Variants in CSMD3 observed in about 807,000 individuals in gnomAD.
CSMD3 encodes the protein CUB and sushi domain-containing protein 3.
A neutral mutation model predicts 435.2 loss-of-function variants in CSMD3; 177 were observed. That is an observed-to-expected ratio of 0.41 (90% CI 0.36 to 0.46). CSMD3 has a LOEUF of 0.46. Ranked by LOEUF, CSMD3 falls within the 20% of genes least tolerant of loss-of-function variation. The pLI is 0.34. For synonymous variants in CSMD3, 1,656 were observed against 1,520.5 expected, an observed-to-expected ratio of 1.09 and a Z score of -2.07; for missense variants, 4,265 against 4,504.6, an observed-to-expected ratio of 0.95 and a Z score of 1.52.
chr8:113,309,441 T>C (rs988558543), intron 2 of CSMD3: 5 of 152,270 alleles, frequency 3.3e-5, no homozygotes, highest in African/African-American at 1.2e-4. Context: ...TGTCCATGAG[T>C]ACCCAATGTT....
chr8:113,106,255 GGAAA>G (rs1340442192), intron 4 of CSMD3, among the ~76,000 whole-genome samples: 4 of 151,582 alleles, frequency 2.6e-5, no homozygotes, highest in African/African-American at 9.7e-5. Context: ...ACCACAGTGA[GGAAA>G]GAAAGGGAAG....
intron 38 of CSMD3, 145 bp downstream of exon 38, chr8:112,380,207 T>G: frequency 1.8e-6 from 1 of 555,112 alleles, no homozygotes; most frequent in Non-Finnish European, 3.2e-6. Flanking sequence ...GCAATTGAAC[T>G]GAAGTAATAG....
chr8:113,225,419 G>A (rs1229136539), intron 3 of CSMD3, among the ~76,000 whole-genome samples: 1 of 151,430 alleles, frequency 6.6e-6, no homozygotes, highest in Non-Finnish European at 1.5e-5. Flanking sequence ...TCTCATCAGT[G>A]AGAATTTATC....
intron 36 of CSMD3, among the ~76,000 whole-genome samples, chr8:112,390,350 A>C (rs1451344633): frequency 6.6e-6 from 1 of 152,178 alleles, no homozygotes; most frequent in Non-Finnish European, 1.5e-5. Context: ...TGAGCATGGC[A>C]GAACAGAGAG....
At chr8:112,227,764 A>G (rs1334857564) in intron 70 of CSMD3, among the ~76,000 whole-genome samples, 3 of 152,092 alleles carry the variant, frequency 2.0e-5, no homozygotes, top group African/African-American at 4.8e-5. Flanking sequence ...GAAAATATCA[A>G]TTTTGCGGTG....
Position 112,526,587 on chromosome 8 carries a change from G to GT in CSMD3, c.4565-9363dup, listed in dbSNP as rs556543350. ...AACAACCAATTCCTAGTACATTTCTGTTTTTTAATTTTATAAGAGCTTTGC... is the reference window on the plus strand; with the variant it reads ...AACAACCAATTCCTAGTACATTTCTGTTTTTTTAATTTTATAAGAGCTTTGC... On this transcript the variant is annotated intron_variant, in intron 27 of 70. Transcript: ENST00000297405. Among the ~76,000 whole-genome samples, 8 of 151,880 alleles carry GT rather than the reference G, an allele frequency of 5.3e-5. No individual in the cohort carries two copies. In the South Asian group the frequency reaches 1.5e-3, roughly 28 times the overall value.
At chr8:113,420,365 TTAA>T (rs1208356863) in intron 1 of CSMD3, among the ~76,000 whole-genome samples, 2 of 152,044 alleles carry the variant, frequency 1.3e-5, no homozygotes, top group Non-Finnish European at 2.9e-5. Flanking sequence ...ACATGCTGAA[TTAA>T]TAATATTTTC....
chr8:112,378,904 T>A (rs546538598), intron 38 of CSMD3, among the ~76,000 whole-genome samples: 2 of 152,004 alleles, frequency 1.3e-5, no homozygotes, highest in South Asian at 2.1e-4. Context: ...TACAAAAACA[T>A]CACATGTATC....
intron 6 of CSMD3, among the ~76,000 whole-genome samples, chr8:113,005,792 T>G (rs548366471): frequency 1.3e-5 from 2 of 152,170 alleles, no homozygotes; most frequent in Admixed American, 1.3e-4. Flanking sequence ...TAAACAAATT[T>G]GAAGTGTGTA....
intron 9 of CSMD3, 66 bp from the exon 10 acceptor site, chr8:112,921,817 C>G (rs2130633978): frequency 7.7e-7 from 1 of 1,300,702 alleles, no homozygotes; most frequent in Non-Finnish European, 1.1e-6. Context: ...GGCTTCACTT[C>G]TGCTGGCAAT....
intron 3 of CSMD3, among the ~76,000 whole-genome samples, chr8:113,204,283 ATG>A (rs2092746665): frequency 6.6e-6 from 1 of 152,116 alleles, no homozygotes. Context: ...AGAGAGCTTC[ATG>A]GTATTTCCCT....
Position 113,382,705 on chromosome 8 carries a change from C to T in CSMD3, c.178+53972G>A, listed in dbSNP as rs542873378. On this transcript the variant is annotated intron_variant, in intron 1 of 70. Transcript: ENST00000297405. Reference sequence around the variant, plus strand: ...AAGAATTTTAAAACAGTTGGCCAGGCGTGGTGGCTCATGCCTGTAATCCCA... The same window carrying T: ...AAGAATTTTAAAACAGTTGGCCAGGTGTGGTGGCTCATGCCTGTAATCCCA... Among the ~76,000 whole-genome samples, 15 of 152,194 alleles carry T rather than the reference C, an allele frequency of 9.9e-5. No individual in the cohort carries two copies. The South Asian group carries it at 3.1e-3, about 32-fold the overall frequency.
intron 6 of CSMD3, among the ~76,000 whole-genome samples, chr8:112,979,962 A>C (rs1259025526): frequency 6.6e-6 from 1 of 151,156 alleles, no homozygotes; most frequent in Non-Finnish European, 1.5e-5. Flanking sequence ...TCACTAAGTC[A>C]TAACTATATG....
chr8:113,065,677 C>T (rs1038826532), intron 5 of CSMD3, among the ~76,000 whole-genome samples: 1 of 151,938 alleles, frequency 6.6e-6, no homozygotes, highest in African/African-American at 2.4e-5. Flanking sequence ...CGTGAGCCAC[C>T]GTGCCTGGCA....
chr8:112,335,153 TAGAAG>T (rs1331257179), intron 45 of CSMD3, among the ~76,000 whole-genome samples, 171 bp downstream of exon 45: 1 of 152,192 alleles, frequency 6.6e-6, no homozygotes, highest in Non-Finnish European at 1.5e-5. Context: ...CCTGAATACT[TAGAAG>T]AGGTCATCTT....
At chr8:112,272,020 C>T (rs1476721822) in intron 59 of CSMD3, among the ~76,000 whole-genome samples, 1 of 152,240 alleles carries the variant, frequency 6.6e-6, no homozygotes, top group Non-Finnish European at 1.5e-5. Context: ...GCTCTTTCAC[C>T]TTCTGCCAGT....
intron 10 of CSMD3, among the ~76,000 whole-genome samples, chr8:112,880,627 T>C (rs1226394330): frequency 6.6e-6 from 1 of 151,966 alleles, no homozygotes; most frequent in Non-Finnish European, 1.5e-5. Flanking sequence ...TCTAAGGTCG[T>C]TGGGATTTGG....
At position 113,102,608 on chromosome 8, in the gene CSMD3, C is replaced by G. The variant is rs143768243; in HGVS notation, c.710-3645G>C. 3.3e-3 allele frequency among the ~76,000 whole-genome samples: 504 copies of G among 152,144 alleles called. 3 individuals carry two copies. The highest frequency in any genetic ancestry group is 0.01 in the African/African-American group (432 of 41,528). On this transcript the variant is annotated intron_variant, in intron 4 of 70. Coordinates refer to ENST00000297405, the MANE Select transcript of CSMD3 (RefSeq NM_198123.2). Reference sequence around the variant, plus strand: ...TTGAACTAGTTATCGAATTAAGGAACAAGAATTTCCTGAGGAAGTGATGCT... The same window carrying G: ...TTGAACTAGTTATCGAATTAAGGAAGAAGAATTTCCTGAGGAAGTGATGCT...
chr8:112,547,644 G>C (rs1294312209), intron 27 of CSMD3, among the ~76,000 whole-genome samples: 1 of 152,100 alleles, frequency 6.6e-6, no homozygotes, highest in Non-Finnish European at 1.5e-5. Context: ...ACAACTACTG[G>C]AAGGAGCATG....
Sources: allele counts gnomAD v4.1 joint callset (sites outside exome capture counted in the v4.1 genomes callset), GRCh38; gene constraint gnomAD v4.1.1; transcripts MANE v1.5; gene names NCBI Gene and HGNC (gene_info 2026-07-23, HGNC 2026-07-21).